CLNK: variants seen among roughly 807,000 people sequenced by gnomAD.
The protein encoded by CLNK is cytokine-dependent hematopoietic cell linker.
A neutral mutation model predicts 68.6 loss-of-function variants in CLNK; 74 were observed. The ratio of observed to expected loss-of-function variants is 1.08; its 90% confidence interval spans 0.89 to 1.31. The LOEUF (loss-of-function observed/expected upper bound fraction) is 1.31, where lower values mean the gene tolerates loss of function less well. Ranked by LOEUF, CLNK falls within the 50% of genes most tolerant of loss-of-function variation. The probability of loss-of-function intolerance (pLI) is 0.00; values close to 1 mark genes in which losing one functional copy is unlikely to be tolerated. For missense variants in CLNK, 553 were observed against 515.3 expected (o/e 1.07, Z -0.71); for synonymous variants, 198 against 172.2 (o/e 1.15, Z -1.17).
At chr4:10,521,150 T>C (rs897190261) in intron 14 of CLNK, among the ~76,000 whole-genome samples, 2 of 152,214 alleles carry the variant, frequency 1.3e-5, no homozygotes, top group Admixed American at 6.5e-5. Context: ...ACAGTCACTA[T>C]GGAAAAGAAC....
chr4:10,725,512 C>T, the CLNK span, among the ~76,000 whole-genome samples: 2 of 152,150 alleles, frequency 1.3e-5, no homozygotes, highest in Admixed American at 1.3e-4. Flanking sequence ...ACTACCCCCC[C>T]ATAAATCCAA....
intron 7 of CLNK, among the ~76,000 whole-genome samples, chr4:10,559,498 G>T (rs1719806828): frequency 6.6e-6 from 1 of 152,062 alleles, no homozygotes; most frequent in South Asian, 2.1e-4. Flanking sequence ...CAATGTTCTT[G>T]TGCACGCTCA....
the CLNK span, among the ~76,000 whole-genome samples, chr4:10,702,597 T>C: frequency 1.3e-4 from 20 of 152,314 alleles, no homozygotes; most frequent in Admixed American, 1.2e-3. Context: ...GTGACATGTA[T>C]ATTTGACTAT....
rs577308985 is a variant in CLNK, at chr4:10,675,785, A to G, written c.-42-7874T>C. Among the ~76,000 whole-genome samples the G allele has an allele frequency of 3.9e-5, 6 of 152,336 alleles. No individual in the cohort carries two copies. In the South Asian group the frequency reaches 1.0e-3, roughly 26 times the overall value. On this transcript the variant is annotated intron_variant, in intron 1 of 18. Transcript: ENST00000226951. ...GACCAAAAGCAAACTGTGAACGGCT[A>G]AAGAAAAGCTTTGAATGAATCGAGA...
chr4:10,615,554 A>G (rs568864561), intron 2 of CLNK, among the ~76,000 whole-genome samples: 31 of 151,748 alleles, frequency 2.0e-4, no homozygotes, highest in Non-Finnish European at 4.4e-4. Context: ...ACCAAGAAAG[A>G]AAAAAAATGA....
At chr4:10,528,008 A>G in intron 13 of CLNK, 68 bp downstream of exon 13, 1 of 826,486 alleles carries the variant, frequency 1.2e-6, no homozygotes, top group Non-Finnish European at 1.7e-6. Flanking sequence ...AACCATGAGC[A>G]CTGTAGATCT....
At chr4:10,659,446 G>A (rs897654994) in intron 2 of CLNK, among the ~76,000 whole-genome samples, 2 of 152,160 alleles carry the variant, frequency 1.3e-5, no homozygotes, top group East Asian at 1.9e-4. Flanking sequence ...AAAATGTCAC[G>A]GCTCTGTTGG....
intron 1 of CLNK, among the ~76,000 whole-genome samples, chr4:10,671,395 A>C (rs1326693049): frequency 6.6e-6 from 1 of 152,064 alleles, no homozygotes; most frequent in Non-Finnish European, 1.5e-5. Context: ...TAAAAAAAAA[A>C]AGAAGAAAGC....
chr4:10,701,281 T>C, the CLNK span, among the ~76,000 whole-genome samples: 1 of 152,240 alleles, frequency 6.6e-6, no homozygotes, highest in Admixed American at 6.5e-5. Flanking sequence ...AATCTCCCGC[T>C]TAAAAGTATT....
At chr4:10,586,086 GC>G (rs1409865947) in intron 3 of CLNK, among the ~76,000 whole-genome samples, 1 of 152,092 alleles carries the variant, frequency 6.6e-6, no homozygotes, top group Non-Finnish European at 1.5e-5. Context: ...AGAATCTAAT[GC>G]TGCTGCTGCT....
chr4:10,695,023 G>T, the CLNK span, among the ~76,000 whole-genome samples: 1 of 152,200 alleles, frequency 6.6e-6, no homozygotes, highest in Non-Finnish European at 1.5e-5. Context: ...ATTGACAGAG[G>T]CCTGGCAGGG....
chr4:10,580,230 T>C (rs1250127414), intron 4 of CLNK, among the ~76,000 whole-genome samples: 16 of 152,202 alleles, frequency 1.1e-4, no homozygotes, highest in African/African-American at 3.9e-4. Context: ...CATGTGCTTC[T>C]GACGGTGACA....
rs950111714 is a variant in CLNK at position 10,528,136 on chromosome 4, G to T, written c.631-42C>A. 6 of 1,085,918 alleles carry T rather than the reference G, an allele frequency of 5.5e-6. No homozygotes were observed. The South Asian group carries it at 1.1e-4, about 20-fold the overall frequency. 67.3% of individuals were successfully genotyped at this position (1,085,918 alleles called of 1,614,324 possible). A position where few individuals can be genotyped will look rare whatever the true frequency, so the allele number is the denominator to read the frequency against. On this transcript the variant is annotated intron_variant, in intron 12 of 18. Coordinates refer to ENST00000226951, the MANE Select transcript of CLNK (RefSeq NM_052964.4). ...AAAATAAAATTTACTGACTCTTGATGACAGAGAATTTAATATAACACCATG... is the reference window on the plus strand; with the variant it reads ...AAAATAAAATTTACTGACTCTTGATTACAGAGAATTTAATATAACACCATG...
At chr4:10,611,869 G>T (rs1257241708) in intron 2 of CLNK, among the ~76,000 whole-genome samples, 1 of 152,142 alleles carries the variant, frequency 6.6e-6, no homozygotes, top group African/African-American at 2.4e-5. Flanking sequence ...CCTAATGCCT[G>T]TAGTCACAGT....
chr4:10,690,444 T>C, the CLNK span, among the ~76,000 whole-genome samples: 1 of 152,210 alleles, frequency 6.6e-6, no homozygotes, highest in African/African-American at 2.4e-5. Context: ...AGAAGTGGTA[T>C]GTGAATGTAG....
intron 4 of CLNK, among the ~76,000 whole-genome samples, chr4:10,575,537 G>A (rs564444629): frequency 2.6e-5 from 4 of 152,342 alleles, no homozygotes; most frequent in East Asian, 3.9e-4. Flanking sequence ...CTGCACACAC[G>A]TGCACACCAG....
chr4:10,618,382 C>A (rs2108858980), intron 2 of CLNK, among the ~76,000 whole-genome samples: 1 of 152,190 alleles, frequency 6.6e-6, no homozygotes, highest in East Asian at 1.9e-4. Context: ...GGACTGGGAT[C>A]AACCATAAAT....
At chr4:10,655,941 G>A (rs1163301836) in intron 2 of CLNK, among the ~76,000 whole-genome samples, 1 of 152,074 alleles carries the variant, frequency 6.6e-6, no homozygotes. Context: ...GAGCCACTGC[G>A]CCCGGCCGAT....
rs186736300 is a variant in CLNK, at chr4:10,495,922, C to T, written c.1141-5309G>A. On this transcript the variant is annotated intron_variant, in intron 18 of 18. Coordinates refer to ENST00000226951, the MANE Select transcript of CLNK (RefSeq NM_052964.4). Reference sequence around the variant, plus strand: ...GGAAGACAAGGATTGCTGGCAGCCACGGAAAGCTGGAAGAGGCCAGGAGTG... The same window carrying T: ...GGAAGACAAGGATTGCTGGCAGCCATGGAAAGCTGGAAGAGGCCAGGAGTG... Among the ~76,000 whole-genome samples, 12 of 152,238 alleles carry T rather than the reference C, an allele frequency of 7.9e-5. No individual in the cohort carries two copies. The East Asian group carries it at 1.2e-3, about 15-fold the overall frequency.
Sources: allele counts gnomAD v4.1 joint callset (sites outside exome capture counted in the v4.1 genomes callset), GRCh38; gene constraint gnomAD v4.1.1; transcripts MANE v1.5; gene names NCBI Gene and HGNC (gene_info 2026-07-23, HGNC 2026-07-21).